The following DNAJC1 variants were observed in gnomAD, a reference collection of about 807,000 sequenced individuals.
DNAJC1 encodes the protein DnaJ heat shock protein family (Hsp40) member C1.
In DNAJC1, 58 loss-of-function variants were observed where a neutral mutation model predicts 76.6. The observed-to-expected ratio is 0.76, with a 90% CI of 0.61 to 0.94. The LOEUF (loss-of-function observed/expected upper bound fraction) is 0.94, where lower values mean the gene tolerates loss of function less well. Among genes scored for constraint, DNAJC1 ranks in the 40% least tolerant of loss-of-function variants. The pLI is 0.00. For synonymous variants in DNAJC1, 258 were observed against 267.9 expected (o/e 0.96, Z 0.36); for missense variants, 689 against 677.3 (o/e 1.02, Z -0.19).
chr10:21,910,115 CTTTTTTTT>C (rs11362698), intron 6 of DNAJC1, among the ~76,000 whole-genome samples: 1 of 146,160 alleles, frequency 6.8e-6, no homozygotes, highest in African/African-American at 2.5e-5. Context: ...TACATTAAAC[CTTTTTTTT>C]TTTTCTTTTT....
intron 10 of DNAJC1, among the ~76,000 whole-genome samples, chr10:21,761,207 T>C (rs900203514): frequency 3.9e-5 from 6 of 152,124 alleles, no homozygotes; most frequent in Non-Finnish European, 7.4e-5. Flanking sequence ...GGGGGCAATA[T>C]TTTATTTCCT....
rs193019029 is a variant in DNAJC1, at chr10:21,902,405, G to C, written c.820+2117C>G. 2.6e-5 allele frequency among the ~76,000 whole-genome samples: 4 copies of C among 152,176 alleles called. No homozygotes were observed. In the East Asian group the frequency reaches 7.7e-4, roughly 29 times the overall value. On this transcript the variant is annotated intron_variant, in intron 7 of 11. Transcript: ENST00000376980. ...CTGCAATGTCTGCCTCCCGGGTTCAGGCGATTCTCCTGCCTCAGCCTCCCG... is the reference window on the plus strand; with the variant it reads ...CTGCAATGTCTGCCTCCCGGGTTCACGCGATTCTCCTGCCTCAGCCTCCCG...
intron 2 of DNAJC1, 65 bp downstream of exon 2, chr10:21,928,975 T>C (rs1837173450): frequency 2.0e-6 from 2 of 996,794 alleles, no homozygotes; most frequent in South Asian, 3.5e-5. Flanking sequence ...TAAGTGAATA[T>C]TTCTACCATC....
chr10:21,905,589 T>C (rs1347827438), intron 6 of DNAJC1, among the ~76,000 whole-genome samples: 1 of 152,160 alleles, frequency 6.6e-6, no homozygotes, highest in Non-Finnish European at 1.5e-5. Context: ...GCAGTGTAAT[T>C]CTCCCTTGTA....
intron 1 of DNAJC1, among the ~76,000 whole-genome samples, chr10:21,959,737 G>C (rs1054655898): frequency 6.7e-6 from 1 of 148,412 alleles, no homozygotes; most frequent in African/African-American, 2.5e-5. Context: ...AGTGAGCCGG[G>C]ATAGTGCCGC....
chr10:21,887,038 A>C (rs913377235), intron 7 of DNAJC1, among the ~76,000 whole-genome samples: 24 of 152,210 alleles, frequency 1.6e-4, no homozygotes, highest in Non-Finnish European at 1.5e-5. Flanking sequence ...CATCTTCAGC[A>C]AAGTTTCAGG....
chr10:21,971,044 C>T (rs549458559), intron 1 of DNAJC1, among the ~76,000 whole-genome samples: 1 of 151,866 alleles, frequency 6.6e-6, no homozygotes, highest in Non-Finnish European at 1.5e-5. Context: ...ACATAAGTAT[C>T]TTTTAACATT....
intron 9 of DNAJC1, among the ~76,000 whole-genome samples, chr10:21,796,581 A>G (rs1196234437): frequency 1.3e-5 from 2 of 152,102 alleles, no homozygotes; most frequent in African/African-American, 2.4e-5. Context: ...AAGGGTTCCA[A>G]TTTCTCTAAA....
chr10:21,939,026 G>A (rs2131793440), intron 1 of DNAJC1, among the ~76,000 whole-genome samples: 1 of 152,250 alleles, frequency 6.6e-6, no homozygotes, highest in South Asian at 2.1e-4. Flanking sequence ...CAGTAGCTGG[G>A]ACCACAGGCA....
At chr10:21,887,890 A>G (rs1836393690) in intron 7 of DNAJC1, among the ~76,000 whole-genome samples, 1 of 152,198 alleles carries the variant, frequency 6.6e-6, no homozygotes, top group Non-Finnish European at 1.5e-5. Flanking sequence ...GACAACTGAG[A>G]TTTAAACTTA....
chr10:21,946,049 C>CTTTT lies in DNAJC1; in HGVS notation c.223-16912_223-16909dup, dbSNP rs71510915. 2.9e-3 allele frequency among the ~76,000 whole-genome samples: 269 copies of CTTTT among 93,284 alleles called. 2 individuals are homozygous for CTTTT. The highest frequency in any genetic ancestry group is 3.9e-3 in the East Asian group (12 of 3,102). 61.2% of individuals were successfully genotyped at this position (93,284 alleles called of 152,430 possible). ...ATAATTCAAATTCCTTTCTTTTCCTCTTTTTTTTTTTTTTTTTTTTTTGCT... is the reference window on the plus strand; with the variant it reads ...ATAATTCAAATTCCTTTCTTTTCCTCTTTTTTTTTTTTTTTTTTTTTTTTTTGCT... On this transcript the variant is annotated intron_variant, in intron 1 of 11. Coordinates refer to ENST00000376980, the MANE Select transcript of DNAJC1 (RefSeq NM_022365.4).
intron 8 of DNAJC1, among the ~76,000 whole-genome samples, chr10:21,830,589 T>TA (rs1835340265): frequency 6.6e-6 from 1 of 152,232 alleles, no homozygotes; most frequent in Non-Finnish European, 1.5e-5. Context: ...TCCTGTTCAG[T>TA]ATACTATGTA....
At chr10:21,878,843 C>T (rs1349464368) in intron 8 of DNAJC1, among the ~76,000 whole-genome samples, 1 of 151,962 alleles carries the variant, frequency 6.6e-6, no homozygotes, top group Non-Finnish European at 1.5e-5. Context: ...AAAAGGCATG[C>T]ACAAGACTGT....
intron 8 of DNAJC1, among the ~76,000 whole-genome samples, chr10:21,815,999 C>T (rs763126780): frequency 1.3e-5 from 2 of 151,770 alleles, no homozygotes; most frequent in African/African-American, 2.4e-5. Flanking sequence ...CTGTATCGGC[C>T]TCCCAAAGTG....
At chr10:21,820,084 C>A (rs1280636280) in intron 8 of DNAJC1, among the ~76,000 whole-genome samples, 1 of 152,188 alleles carries the variant, frequency 6.6e-6, no homozygotes, top group African/African-American at 2.4e-5. Flanking sequence ...CTTTAGCAGT[C>A]ACCTTTAATT....
At chr10:21,930,687 T>C (rs934009906) in intron 1 of DNAJC1, among the ~76,000 whole-genome samples, 2 of 152,250 alleles carry the variant, frequency 1.3e-5, no homozygotes, top group African/African-American at 4.8e-5. Flanking sequence ...GCAGGTAACA[T>C]GGTTGTAATT....
At chr10:21,822,571 A>C (rs955868118) in intron 8 of DNAJC1, among the ~76,000 whole-genome samples, 2 of 152,154 alleles carry the variant, frequency 1.3e-5, no homozygotes, top group African/African-American at 4.8e-5. Flanking sequence ...AATTTTCTTA[A>C]GTTCACAAGG....
intron 8 of DNAJC1, among the ~76,000 whole-genome samples, chr10:21,808,182 T>C (rs1318439157): frequency 1.1e-4 from 16 of 152,182 alleles, no homozygotes; most frequent in Admixed American, 1.0e-3. Context: ...CTATGTTATT[T>C]TAACATTTTT....
At chr10:21,973,900 C>T (rs1178362193) in intron 1 of DNAJC1, among the ~76,000 whole-genome samples, 14 of 151,672 alleles carry the variant, frequency 9.2e-5, no homozygotes, top group African/African-American at 2.9e-4. Flanking sequence ...GTCAGGAGTT[C>T]GAGACCAGAC....
Sources: gnomAD v4.1 joint callset for allele counts (sites outside exome capture counted in the v4.1 genomes callset) on GRCh38, gnomAD v4.1.1 for gene constraint, MANE v1.5 for transcripts, NCBI Gene and HGNC (gene_info 2026-07-23, HGNC 2026-07-21) for gene names.